Variants in GALNT13 observed in about 807,000 individuals in gnomAD.
GALNT13 encodes polypeptide N-acetylgalactosaminyltransferase 13, also known as UDP-GalNAc:polypeptide N-acetylgalactosaminyltransferase 13.
GALNT13 carries 28 observed loss-of-function variants against 64.2 expected under a neutral mutation model. The observed-to-expected ratio is 0.44, with a 90% CI of 0.32 to 0.60. GALNT13 has a LOEUF of 0.60. Ranked by LOEUF, GALNT13 falls within the 20% of genes least tolerant of loss-of-function variation. The pLI, the probability that GALNT13 is intolerant of heterozygous loss-of-function variation, is 0.05. For synonymous variants in GALNT13, 214 were observed against 224.6 expected (o/e 0.95, Z 0.42); for missense variants, 577 against 669.8 (o/e 0.86, Z 1.53).
chr2:154,076,474 C>A (rs1277930272), intron 3 of GALNT13, among the ~76,000 whole-genome samples: 1 of 151,516 alleles, frequency 6.6e-6, no homozygotes, highest in African/African-American at 2.4e-5. Flanking sequence ...AGTAACTTAC[C>A]CATACTGAGA....
At chr2:154,312,279 G>T (rs2105132838) in intron 9 of GALNT13, among the ~76,000 whole-genome samples, 1 of 152,322 alleles carries the variant, frequency 6.6e-6, no homozygotes, top group East Asian at 1.9e-4. Context: ...CATGGCTTCA[G>T]CCGGTCCCTC....
chr2:153,947,221 T>G (rs1223966631), intron 3 of GALNT13, among the ~76,000 whole-genome samples: 2 of 152,066 alleles, frequency 1.3e-5, no homozygotes, highest in Non-Finnish European at 2.9e-5. Flanking sequence ...GGGATATAAC[T>G]GAGGTCCCTG....
the GALNT13 span, among the ~76,000 whole-genome samples, chr2:153,626,026 C>T: frequency 4.6e-5 from 7 of 152,002 alleles, no homozygotes; most frequent in African/African-American, 1.4e-4. Context: ...AATCATGAAA[C>T]TTGCTCTAAA....
rs542511935 is a variant in GALNT13, at chr2:153,885,565, T to C, written c.-177+13262T>C. 2.0e-5 allele frequency among the ~76,000 whole-genome samples: 3 copies of C among 152,236 alleles called. No individual in the cohort carries two copies. In the East Asian group the frequency reaches 5.8e-4, roughly 29 times the overall value. On this transcript the variant is annotated intron_variant, in intron 1 of 12. Coordinates refer to ENST00000392825, the MANE Select transcript of GALNT13 (RefSeq NM_052917.4). ...TAAACACTTTCAAAGCACTGAGGAA[T>C]AATTTGAAACAACATTTTATAGTGG... is the stretch of plus-strand genomic sequence containing the variant.
chr2:153,664,235 C>A, the GALNT13 span, among the ~76,000 whole-genome samples: 1 of 152,148 alleles, frequency 6.6e-6, no homozygotes. Context: ...CAGACACTCC[C>A]AGAGTGGCCG....
At chr2:153,816,765 T>C in the GALNT13 span, among the ~76,000 whole-genome samples, 62 of 152,362 alleles carry the variant, frequency 4.1e-4, no homozygotes, top group Non-Finnish European at 7.9e-4. Flanking sequence ...TCAGTCTTAC[T>C]GCTTGGTCCA....
At chr2:153,893,539 T>C (rs1378661901) in intron 1 of GALNT13, among the ~76,000 whole-genome samples, 1 of 152,124 alleles carries the variant, frequency 6.6e-6, no homozygotes, top group Non-Finnish European at 1.5e-5. Flanking sequence ...TAGTGAATTG[T>C]TATACTGAAT....
At chr2:153,438,618 T>G in the GALNT13 span, among the ~76,000 whole-genome samples, 1 of 152,036 alleles carries the variant, frequency 6.6e-6, no homozygotes, top group Non-Finnish European at 1.5e-5. Context: ...TTGATCGCAT[T>G]GGCTACTGAG....
intron 3 of GALNT13, among the ~76,000 whole-genome samples, chr2:154,081,725 T>A (rs189050589): frequency 6.6e-6 from 1 of 151,876 alleles, no homozygotes; most frequent in Admixed American, 6.6e-5. Flanking sequence ...CCAAATGTAG[T>A]TTGCTTTGAA....
the GALNT13 span, among the ~76,000 whole-genome samples, chr2:153,808,709 G>A: frequency 9.9e-5 from 15 of 152,086 alleles, no homozygotes; most frequent in Non-Finnish European, 2.1e-4. Flanking sequence ...TGCCCACATT[G>A]AAACATCCAA....
chr2:153,216,800 T>A, the GALNT13 span, among the ~76,000 whole-genome samples: 1 of 152,024 alleles, frequency 6.6e-6, no homozygotes, highest in African/African-American at 2.4e-5. Flanking sequence ...AGGTTTTAAT[T>A]TTAAATGTTC....
intron 3 of GALNT13, among the ~76,000 whole-genome samples, chr2:154,107,622 C>T (rs1425605091): frequency 1.3e-5 from 2 of 150,622 alleles, no homozygotes; most frequent in Middle Eastern, 3.4e-3. Flanking sequence ...AAGAAATATA[C>T]TCTCTTATGA....
the GALNT13 span, among the ~76,000 whole-genome samples, chr2:153,203,761 G>A: frequency 6.6e-6 from 1 of 151,956 alleles, no homozygotes; most frequent in African/African-American, 2.4e-5. Context: ...TTAGACCTTG[G>A]TAAAATCTCA....
At chr2:154,289,895 C>A (rs886543679) in intron 8 of GALNT13, among the ~76,000 whole-genome samples, 4 of 152,208 alleles carry the variant, frequency 2.6e-5, no homozygotes, top group Admixed American at 2.0e-4. Context: ...GCAGCTGCCT[C>A]TGCTCATAAT....
intron 3 of GALNT13, among the ~76,000 whole-genome samples, chr2:154,068,730 A>G (rs117707033): frequency 6.6e-6 from 1 of 152,148 alleles, no homozygotes; most frequent in East Asian, 1.9e-4. Flanking sequence ...TGGGAAGGGT[A>G]GTGGGGCTGG....
the GALNT13 span, among the ~76,000 whole-genome samples, chr2:153,132,668 TTGG>T: frequency 6.6e-6 from 1 of 152,174 alleles, no homozygotes; most frequent in Non-Finnish European, 1.5e-5. Flanking sequence ...ACATTTTTAG[TTGG>T]TGAAGACATT....
the GALNT13 span, among the ~76,000 whole-genome samples, chr2:153,302,573 A>T: frequency 6.6e-6 from 1 of 152,094 alleles, no homozygotes; most frequent in African/African-American, 2.4e-5. Flanking sequence ...TTTTAGTTCT[A>T]TGTAATCCCA....
intron 1 of GALNT13, among the ~76,000 whole-genome samples, chr2:153,890,286 A>G (rs1046539760): frequency 1.3e-5 from 2 of 151,950 alleles, no homozygotes; most frequent in African/African-American, 2.4e-5. Context: ...ATGTGTTCAT[A>G]TTATGTTATT....
At chr2:153,492,865 A>C in the GALNT13 span, among the ~76,000 whole-genome samples, 1 of 152,218 alleles carries the variant, frequency 6.6e-6, no homozygotes, top group Non-Finnish European at 1.5e-5. Context: ...GGCATAGTTA[A>C]ATTAGTATTC....
Sources: gnomAD v4.1 joint callset for allele counts (sites outside exome capture counted in the v4.1 genomes callset) on GRCh38, gnomAD v4.1.1 for gene constraint, MANE v1.5 for transcripts, NCBI Gene and HGNC (gene_info 2026-07-23, HGNC 2026-07-21) for gene names.